The following NFAT5 variants were observed in gnomAD, a reference collection of about 807,000 sequenced individuals.
NFAT5 encodes nuclear factor of activated T cells 5, also known as nuclear factor of activated T-cells 5.
Under a neutral mutation model 166.5 loss-of-function variants are expected in NFAT5, and 31 were observed. That is an observed-to-expected ratio of 0.19 (90% CI 0.14 to 0.25). The LOEUF (loss-of-function observed/expected upper bound fraction) is 0.25, where lower values mean the gene tolerates loss of function less well. Among genes scored for constraint, NFAT5 ranks in the 10% least tolerant of loss-of-function variants. The pLI, the probability that NFAT5 is intolerant of heterozygous loss-of-function variation, is 1.00. For synonymous variants in NFAT5, 612 were observed against 639.7 expected (o/e 0.96, Z 0.65); for missense variants, 1,449 against 1,821.8 (o/e 0.80, Z 3.72).
rs995075133 is a variant in NFAT5 at position 69,696,585 on chromosome 16, T to A, written c.*234T>A. 2 of 152,632 alleles carry A rather than the reference T, an allele frequency of 1.3e-5. No homozygotes were observed. The highest frequency in any genetic ancestry group is 2.9e-5 in the Non-Finnish European group (2 of 68,030). The allele number at this position is 152,632 out of a possible 1,614,324, so 9.5% of individuals were successfully genotyped here. On this transcript the variant is annotated 3_prime_UTR_variant, in exon 15 of 15. Transcript: ENST00000349945. ...TCCTAATAACAGTGATGACTGAGAA[T>A]CTATTTGAGTTTCCAGCTGGCAGAA...
intron 2 of NFAT5, among the ~76,000 whole-genome samples, chr16:69,612,670 A>T (rs1056890583): frequency 1.3e-5 from 2 of 151,800 alleles, no homozygotes; most frequent in Admixed American, 1.3e-4. Context: ...ACAAAAGGAG[A>T]CCCTGTCTCT....
chr16:69,569,304 T>C (rs1361540422), intron 2 of NFAT5, among the ~76,000 whole-genome samples: 2 of 147,262 alleles, frequency 1.4e-5, no homozygotes, highest in Non-Finnish European at 3.0e-5. Context: ...GAAGAGAAAC[T>C]AAGGCTGAAA....
At chr16:69,631,840 G>T (rs2034733017) in intron 3 of NFAT5, among the ~76,000 whole-genome samples, 1 of 152,132 alleles carries the variant, frequency 6.6e-6, no homozygotes, top group South Asian at 2.1e-4. Flanking sequence ...CAGTCATAAA[G>T]TGTGTACAGT....
chr16:69,574,957 C>T (rs1370789049), intron 2 of NFAT5, among the ~76,000 whole-genome samples: 1 of 152,142 alleles, frequency 6.6e-6, no homozygotes, highest in Non-Finnish European at 1.5e-5. Flanking sequence ...CAGGCATGAG[C>T]CACCGTGCCC....
Position 69,692,109 on chromosome 16 carries a change from TCAC to T in NFAT5, c.2288_2290del (p.Pro763del). 2 of 1,614,136 alleles carry T rather than the reference TCAC, an allele frequency of 1.2e-6. No homozygotes were observed. The highest frequency in any genetic ancestry group is 4.5e-5 in the East Asian group (2 of 44,886). On this transcript the variant is annotated inframe_deletion, in exon 13 of 15. Transcript: ENST00000349945. ...TGAGGCATCACAACAACAGCAGCAG[TCAC>T]CACTACAAGAACAAGCACAGACTTT... is the stretch of plus-strand genomic sequence containing the variant.
intron 2 of NFAT5, among the ~76,000 whole-genome samples, chr16:69,589,308 T>A (rs1376923820): frequency 1.3e-5 from 2 of 152,190 alleles, no homozygotes; most frequent in Non-Finnish European, 2.9e-5. Flanking sequence ...ACTTCTTTTT[T>A]AGTAGCCCGT....
intron 2 of NFAT5, among the ~76,000 whole-genome samples, chr16:69,604,223 T>C (rs922972415): frequency 1.3e-5 from 2 of 152,190 alleles, no homozygotes; most frequent in African/African-American, 4.8e-5. Flanking sequence ...CACTCCGTAC[T>C]TCCTACTGTG....
chr16:69,571,710 G>GTTT lies in NFAT5; in HGVS notation c.127+3162_127+3163insTTT, dbSNP rs1343787374. 2.6e-3 allele frequency among the ~76,000 whole-genome samples: 395 copies of GTTT among 150,522 alleles called. 2 individuals carry two copies. The highest frequency in any genetic ancestry group is 6.5e-3 in the South Asian group (31 of 4,800). On this transcript the variant is annotated intron_variant, in intron 2 of 14. Transcript: ENST00000349945. The stretch of plus-strand genomic sequence containing the variant: ...TTTCCAAATTTAAATTTTTTTTTTG[G>GTTT]GGGGAAACAAGGTTGGAAAACCTGC...
chr16:69,571,532 C>T (rs1014526060), intron 2 of NFAT5, among the ~76,000 whole-genome samples: 2 of 152,048 alleles, frequency 1.3e-5, no homozygotes, highest in African/African-American at 2.4e-5. Flanking sequence ...ATGGTATATA[C>T]TATCAAGTTC....
At chr16:69,575,271 A>T (rs955872563) in intron 2 of NFAT5, among the ~76,000 whole-genome samples, 7 of 152,016 alleles carry the variant, frequency 4.6e-5, no homozygotes, top group African/African-American at 1.7e-4. Flanking sequence ...GGGTTCAAGC[A>T]ATTCTCCTGC....
At chr16:69,694,303 C>A in intron 13 of NFAT5, 64 bp downstream of exon 13, 2 of 1,300,702 alleles carry the variant, frequency 1.5e-6, no homozygotes, top group Non-Finnish European at 2.1e-6. Flanking sequence ...AAGCAGAGTG[C>A]AGTGGTGCGA....
chr16:69,584,952 G>A (rs1489576032), intron 2 of NFAT5, among the ~76,000 whole-genome samples: 1 of 151,800 alleles, frequency 6.6e-6, no homozygotes, highest in Non-Finnish European at 1.5e-5. Context: ...GTATTGGAAG[G>A]GTTTAAACAG....
At chr16:69,667,964 TTTTTG>T (rs891378522) in intron 7 of NFAT5, among the ~76,000 whole-genome samples, 1 of 152,116 alleles carries the variant, frequency 6.6e-6, no homozygotes, top group Non-Finnish European at 1.5e-5. Context: ...GTTTTTTTGT[TTTTTG>T]TTTGTTTCTT....
intron 2 of NFAT5, among the ~76,000 whole-genome samples, chr16:69,583,210 T>G (rs992445304): frequency 2.0e-5 from 3 of 152,102 alleles, no homozygotes; most frequent in Admixed American, 2.0e-4. Context: ...AATTTCTGTT[T>G]TTAAGGGATG....
chr16:69,662,450 C>CTT lies in NFAT5; in HGVS notation c.1369+2574_1369+2575dup, dbSNP rs539200298. On this transcript the variant is annotated intron_variant, in intron 7 of 14. Transcript: ENST00000349945. Reference sequence around the variant, plus strand: ...TTACAGAGGTAGACAACACCTCTTTCTTTTTTTTTTTTTTTTTTTTTTTTG... The same window carrying CTT: ...TTACAGAGGTAGACAACACCTCTTTCTTTTTTTTTTTTTTTTTTTTTTTTTTG... Among the ~76,000 whole-genome samples, 682 of 96,972 alleles carry CTT rather than the reference C, an allele frequency of 7.0e-3. 2 individuals carry two copies. The highest frequency in any genetic ancestry group is 8.4e-3 in the Non-Finnish European group (415 of 49,386). 63.6% of individuals were successfully genotyped at this position (96,972 alleles called of 152,430 possible). A position where few individuals can be genotyped will look rare whatever the true frequency, so the allele number is the denominator to read the frequency against.
rs563976826 is a variant in NFAT5 at position 69,608,715 on chromosome 16, C to T, written c.128-17688C>T. On this transcript the variant is annotated intron_variant, in intron 2 of 14. Transcript: ENST00000349945. ...CTGCAAGCTCTGCCTCCTGGGTTCA[C>T]GCCATTCTCCTGCCTCAGCCTCCCA... Among the ~76,000 whole-genome samples, 44 of 151,234 alleles carry T rather than the reference C, an allele frequency of 2.9e-4. 1 individual carries two copies. Among genetic ancestry groups the T allele is most frequent in the Admixed American group, 2.3e-3 (35 of 15,144 alleles).
chr16:69,607,061 A>G (rs1028628553), intron 2 of NFAT5, among the ~76,000 whole-genome samples: 1 of 152,162 alleles, frequency 6.6e-6, no homozygotes, highest in Non-Finnish European at 1.5e-5. Flanking sequence ...TAATATATTA[A>G]TAATAGTTCT....
chr16:69,586,283 A>G (rs991543451), intron 2 of NFAT5, among the ~76,000 whole-genome samples: 2 of 152,210 alleles, frequency 1.3e-5, no homozygotes, highest in Non-Finnish European at 2.9e-5. Flanking sequence ...TGACCTAAAT[A>G]CCACTGACTA....
At position 69,660,384 on chromosome 16, in the gene NFAT5, C is replaced by T. The variant is rs746585896; in HGVS notation, c.1369+485C>T. On this transcript the variant is annotated intron_variant, in intron 7 of 14. Transcript: ENST00000349945. ...GGTCAAGGCTGCAGTGAGCCTTGAG[C>T]GTGCCACTGCACGCCAGCCTGGGCA... is the stretch of plus-strand genomic sequence containing the variant. Among the ~76,000 whole-genome samples the T allele has an allele frequency of 4.6e-5, 7 of 152,208 alleles. No homozygotes were observed. In the South Asian group the frequency reaches 6.2e-4, roughly 14 times the overall value.
Sources: allele counts gnomAD v4.1 joint callset (sites outside exome capture counted in the v4.1 genomes callset), GRCh38; gene constraint gnomAD v4.1.1; transcripts MANE v1.5; gene names NCBI Gene and HGNC (gene_info 2026-07-23, HGNC 2026-07-21).